Variants in KRABD3 observed in about 807,000 individuals in gnomAD.
The protein encoded by KRABD3 is KRAB domain containing 3, also known as KRAB domain-containing protein 3.
chr7:149,720,492 C>T, the KRABD3 span, among the ~76,000 whole-genome samples: 1 of 152,272 alleles, frequency 6.6e-6, no homozygotes, highest in Non-Finnish European at 1.5e-5. Context: ...TGGGCAAGGC[C>T]AGGCATTTAG....
At chr7:149,733,596 C>T in the KRABD3 span, 29 of 1,596,738 alleles carry the variant, frequency 1.8e-5, no homozygotes, top group African/African-American at 1.3e-4. Flanking sequence ...AAGGGACCCA[C>T]GAGGCCTAAA....
the KRABD3 span, chr7:149,730,034 T>C: frequency 2.2e-6 from 3 of 1,389,628 alleles, no homozygotes; most frequent in African/African-American, 1.5e-5. Flanking sequence ...CTAGAACGCA[T>C]GCTGATCGTG....
At chr7:149,729,698 C>T in the KRABD3 span, 1 of 985,430 alleles carries the variant, frequency 1.0e-6, no homozygotes, top group South Asian at 4.7e-5. Context: ...AGATCTGCTG[C>T]AGGGCCTGCT....
At chr7:149,717,098 C>T in the KRABD3 span, among the ~76,000 whole-genome samples, 2 of 152,312 alleles carry the variant, frequency 1.3e-5, no homozygotes, top group African/African-American at 4.8e-5. Flanking sequence ...CACATCAGGT[C>T]AGCAGTGGTA....
At chr7:149,722,886 A>G in the KRABD3 span, 3 of 1,612,924 alleles carry the variant, frequency 1.9e-6, no homozygotes, top group Non-Finnish European at 2.5e-6. Flanking sequence ...GCTTCTTGCC[A>G]CCTCTCCCTA....
At chr7:149,719,445 G>A in the KRABD3 span, 3 of 1,257,946 alleles carry the variant, frequency 2.4e-6, no homozygotes, top group East Asian at 5.2e-5. This position sits in a 1 kb window ranked among gnomAD's most constrained non-coding sequence, Gnocchi z 5.6. Context: ...TTATCCTGGA[G>A]TGTGCGCCTG....
At chr7:149,726,027 C>T in the KRABD3 span, 1 of 1,612,966 alleles carries the variant, frequency 6.2e-7, no homozygotes, top group Non-Finnish European at 8.5e-7. Flanking sequence ...TTTTGGGAGT[C>T]CTGTGGGGAA....
At chr7:149,722,726 G>A in the KRABD3 span, 20 of 1,536,978 alleles carry the variant, frequency 1.3e-5, no homozygotes, top group Admixed American at 2.0e-5. Flanking sequence ...GCCTGCCAGC[G>A]CTCCCGGTGT....
the KRABD3 span, chr7:149,724,036 T>C: frequency 1.2e-6 from 1 of 826,508 alleles, no homozygotes; most frequent in East Asian, 2.6e-5. Context: ...GGATCCCCAC[T>C]GTGTAAGTGG....
the KRABD3 span, chr7:149,728,534 G>A: frequency 6.2e-7 from 1 of 1,613,434 alleles, no homozygotes. Context: ...AAGCCCACCA[G>A]GAAGCTCCCC....
chr7:149,720,798 G>T, the KRABD3 span: 1 of 1,548,196 alleles, frequency 6.5e-7, no homozygotes, highest in Non-Finnish European at 8.7e-7. Context: ...CTGAGCAGCC[G>T]CAGGGGTGCG....
chr7:149,725,217 C>A, the KRABD3 span: 2 of 1,240,222 alleles, frequency 1.6e-6, no homozygotes, highest in South Asian at 3.0e-5. Context: ...GGACTCGTCA[C>A]CCCTGTAGAA....
the KRABD3 span, chr7:149,730,320 C>A: frequency 1.3e-6 from 2 of 1,543,178 alleles, no homozygotes; most frequent in Non-Finnish European, 1.8e-6. Context: ...AGAGCCTGAT[C>A]TCTGGAAGCC....
At chr7:149,716,152 A>T in the KRABD3 span, among the ~76,000 whole-genome samples, 1 of 152,126 alleles carries the variant, frequency 6.6e-6, no homozygotes, top group South Asian at 2.1e-4. Flanking sequence ...GCAGGGTCTG[A>T]TCAGGGAGCC....
At chr7:149,723,072 G>A in the KRABD3 span, 1 of 874,614 alleles carries the variant, frequency 1.1e-6, no homozygotes. Context: ...TCGCTGCTGT[G>A]TTGCCAGTGT....
the KRABD3 span, among the ~76,000 whole-genome samples, chr7:149,719,043 A>G: frequency 2.3e-4 from 35 of 152,256 alleles, no homozygotes; most frequent in African/African-American, 8.2e-4. This position sits in a 1 kb window ranked among gnomAD's most constrained non-coding sequence, Gnocchi z 5.6. Flanking sequence ...AGCCCTGCAG[A>G]CCCGAAGCCC....
chr7:149,715,595 A>G, the KRABD3 span, among the ~76,000 whole-genome samples: 1 of 152,086 alleles, frequency 6.6e-6, no homozygotes, highest in South Asian at 2.1e-4. Context: ...TCAGTGAGGT[A>G]TCAGGTATCT....
At chr7:149,733,379 G>A in the KRABD3 span, 9 of 1,611,746 alleles carry the variant, frequency 5.6e-6, no homozygotes, top group South Asian at 8.8e-5. Flanking sequence ...CCTCGGTGCT[G>A]CCCTTGCGGA....
chr7:149,722,083 C>T, the KRABD3 span: 12 of 416,234 alleles, frequency 2.9e-5, no homozygotes, highest in South Asian at 1.8e-4. Flanking sequence ...CAGGGGTCGT[C>T]GGGCACACTT....
Sources: allele counts gnomAD v4.1 joint callset (sites outside exome capture counted in the v4.1 genomes callset), GRCh38; gene constraint gnomAD v4.1.1; non-coding constraint Gnocchi (gnomAD v3.1); transcripts MANE v1.5; gene names NCBI Gene and HGNC (gene_info 2026-07-23, HGNC 2026-07-21).